FAM171B: variants seen among roughly 807,000 people sequenced by gnomAD.
FAM171B encodes family with sequence similarity 171 member B.
A neutral mutation model predicts 75.6 loss-of-function variants in FAM171B; 19 were observed. The ratio of observed to expected loss-of-function variants is 0.25; its 90% CI spans 0.18 to 0.37. The LOEUF is 0.37. Ranked by LOEUF, FAM171B falls within the 10% of genes least tolerant of loss-of-function variation. The probability of loss-of-function intolerance (pLI) is 1.00; values close to 1 mark genes in which losing one functional copy is unlikely to be tolerated. For missense variants in FAM171B, 848 were observed against 982.4 expected, an observed-to-expected ratio of 0.86 and a Z score of 1.83; for synonymous variants, 367 against 361.7, an observed-to-expected ratio of 1.01 and a Z score of -0.17.
Position 186,762,469 on chromosome 2 carries a change from G to T in FAM171B, c.2127G>T (p.Val709=). The T allele has an allele frequency of 6.2e-7, 1 of 1,613,558 alleles. No homozygotes were observed. The highest frequency in any genetic ancestry group is 8.5e-7 in the Non-Finnish European group (1 of 1,179,758). Residue 709 remains valine, a synonymous_variant, in exon 8 of 8, where the codon GTG becomes GTT. Coordinates refer to ENST00000304698, the MANE Select transcript of FAM171B (RefSeq NM_177454.4). This position sits in a 1 kb window ranked among gnomAD's most constrained non-coding sequence, Gnocchi z 4.0. The part of the protein sequence containing the change: ...QSNDTSLDSG[V]DMNELHSSRK... Reference sequence around the variant, plus strand: ...ATGACACCAGTCTGGACTCTGGGGTGGACATGAATGAGCTTCACTCAAGTA... The same window carrying T: ...ATGACACCAGTCTGGACTCTGGGGTTGACATGAATGAGCTTCACTCAAGTA...
At chr2:186,715,075 C>CT (rs1204214009) in intron 1 of FAM171B, among the ~76,000 whole-genome samples, 1 of 152,128 alleles carries the variant, frequency 6.6e-6, no homozygotes, top group Admixed American at 6.5e-5. Flanking sequence ...ATTCAATAGT[C>CT]AAATAGAGAG....
At chr2:186,744,830 AT>A (rs71017339) in intron 3 of FAM171B, among the ~76,000 whole-genome samples, 213 of 127,630 alleles carry the variant, frequency 1.7e-3, no homozygotes, top group Middle Eastern at 8.6e-3. Context: ...CCTGACCAGC[AT>A]TTTTTTTTTT....
intron 3 of FAM171B, among the ~76,000 whole-genome samples, chr2:186,745,515 T>G (rs1302058879): frequency 6.6e-6 from 1 of 152,310 alleles, no homozygotes; most frequent in East Asian, 1.9e-4. Context: ...TCACTTCCTT[T>G]TACTGTCTCA....
In FAM171B at chr2:186,700,192, T is replaced by G. The variant is rs1037658258; in HGVS notation, c.238+5781T>G. Among the ~76,000 whole-genome samples, 4 of 152,148 alleles carry G rather than the reference T, an allele frequency of 2.6e-5. No homozygotes were observed. In the East Asian group the frequency reaches 7.7e-4, roughly 29 times the overall value. ...TATGCCATTGGTATTTTGATAGAGA[T>G]TCCATTGAATCTGTAAACTGCTTCG... is the stretch of plus-strand genomic sequence containing the variant. On this transcript the variant is annotated intron_variant, in intron 1 of 7. Coordinates refer to ENST00000304698, the MANE Select transcript of FAM171B (RefSeq NM_177454.4).
In FAM171B at chr2:186,747,242, A is replaced by G; in HGVS notation, c.716A>G (p.Asn239Ser). The G allele has an allele frequency of 6.3e-7, 1 of 1,585,584 alleles. No homozygotes were observed. The highest frequency in any genetic ancestry group is 1.2e-5 in the South Asian group (1 of 84,066). ...NFLHTTGITL[N>S]KPGFENIELT... ...CTGCATACAACTGGAATTACTCTCA[A>G]TAAACCAGGTATTATCTACTTTTTG... Residue 239 changes from asparagine to serine, a missense_variant, in exon 4 of 8, where the codon AAT becomes AGT. By Grantham distance (46) the Asn-to-Ser change is conservative (BLOSUM62 1). Around this residue, in one of 3 missense-constraint regions of FAM171B, gnomAD observed 665 missense variants for 729.0 expected, o/e 0.91. Coordinates refer to ENST00000304698, the MANE Select transcript of FAM171B (RefSeq NM_177454.4).
Position 186,764,986 on chromosome 2 carries a change from A to T in FAM171B, c.*2163A>T, listed in dbSNP as rs1235659017. The stretch of plus-strand genomic sequence containing the variant: ...TTCATTTTTGTGTAAGGGAAATGAG[A>T]TGATGTATCCCAAGGGCTTTTCTAG... On this transcript the variant is annotated 3_prime_UTR_variant, in exon 8 of 8. Coordinates refer to ENST00000304698, the MANE Select transcript of FAM171B (RefSeq NM_177454.4). 1.3e-5 allele frequency: 2 copies of T among 152,128 alleles called. No homozygotes were observed. Among genetic ancestry groups the T allele is most frequent in the South Asian group, 4.1e-4 (2 of 4,820 alleles). The allele number at this position is 152,128 out of a possible 1,614,324, so 9.4% of individuals were successfully genotyped here.
In FAM171B at chr2:186,725,546, G is replaced by A. The variant is rs553509298; in HGVS notation, c.239-14682G>A. 1.0e-3 allele frequency among the ~76,000 whole-genome samples: 154 copies of A among 152,096 alleles called. 1 individual carries two copies. The highest frequency in any genetic ancestry group is 3.4e-3 in the African/African-American group (139 of 41,480). On this transcript the variant is annotated intron_variant, in intron 1 of 7. Coordinates refer to ENST00000304698, the MANE Select transcript of FAM171B (RefSeq NM_177454.4). The stretch of plus-strand genomic sequence containing the variant: ...TCTGTGATTGAATTCCCAGGTTCAG[G>A]GAGCTGTGCTATTCACTCCTTCCCC...
At chr2:186,707,841 T>TAAA (rs11352829) in intron 1 of FAM171B, among the ~76,000 whole-genome samples, 4 of 144,282 alleles carry the variant, frequency 2.8e-5, no homozygotes, top group African/African-American at 1.0e-4. Context: ...TTTTTTTTTT[T>TAAA]AAAAAAAAAA....
intron 3 of FAM171B, among the ~76,000 whole-genome samples, chr2:186,746,611 T>C (rs1013100875): frequency 3.3e-5 from 5 of 152,196 alleles, no homozygotes; most frequent in African/African-American, 1.2e-4. Context: ...AAGATGGCTG[T>C]TACAACTCCT....
At chr2:186,760,338 AT>A (rs989760178) in intron 6 of FAM171B, among the ~76,000 whole-genome samples, 21 of 152,076 alleles carry the variant, frequency 1.4e-4, no homozygotes, top group Non-Finnish European at 3.1e-4. Flanking sequence ...AAGTTTTAGA[AT>A]TTTTGTATTC....
Position 186,762,307 on chromosome 2 carries a change from A to C in FAM171B, c.1965A>C (p.Glu655Asp). The change falls in exon 8 of 8, where the codon GAA becomes GAC. Residue 655 changes from glutamate to aspartate, a missense_variant. Transcript: ENST00000304698. The surrounding 1 kb of genome is among the most constrained non-coding windows in gnomAD (Gnocchi z 4.0). ...PFSSELQGIS[E>D]QTLLELSKGK... ...CATCGGAACTTCAAGGAATTTCAGA[A>C]CAGACCCTCCTGGAGCTGTCCAAAG... is the stretch of plus-strand genomic sequence containing the variant. 2 of 1,613,680 alleles carry C rather than the reference A, an allele frequency of 1.2e-6. No individual in the cohort carries two copies. The highest frequency in any genetic ancestry group is 1.7e-6 in the Non-Finnish European group (2 of 1,179,772).
chr2:186,717,516 C>T (rs73979351), intron 1 of FAM171B, among the ~76,000 whole-genome samples: 3,092 of 152,304 alleles, frequency 0.02, 105 homozygotes, highest in African/African-American at 0.069. Flanking sequence ...TCCAGGAGGA[C>T]GGTAGATGAG....
At chr2:186,756,959 A>G (rs895840802) in intron 6 of FAM171B, among the ~76,000 whole-genome samples, 1 of 152,178 alleles carries the variant, frequency 6.6e-6, no homozygotes, top group Non-Finnish European at 1.5e-5. Flanking sequence ...AAGGTCTGTA[A>G]AGGTCCTGTG....
At chr2:186,732,607 C>T (rs1690134628) in intron 1 of FAM171B, among the ~76,000 whole-genome samples, 1 of 152,218 alleles carries the variant, frequency 6.6e-6, no homozygotes, top group Non-Finnish European at 1.5e-5. Context: ...ACTTGAGATT[C>T]AAATGCACGG....
At chr2:186,747,032 C>T in intron 3 of FAM171B, 60 bp from the exon 4 acceptor site, 5 of 1,260,556 alleles carry the variant, frequency 4.0e-6, no homozygotes, top group Non-Finnish European at 4.4e-6. Context: ...ACATCCTGAC[C>T]AATGCTGCTA....
At chr2:186,732,961 G>A (rs1182446922) in intron 1 of FAM171B, among the ~76,000 whole-genome samples, 1 of 152,162 alleles carries the variant, frequency 6.6e-6, no homozygotes, top group Non-Finnish European at 1.5e-5. Flanking sequence ...CCCTTCCCTG[G>A]TGCTGGTTGT....
At chr2:186,716,138 C>T (rs937068114) in intron 1 of FAM171B, among the ~76,000 whole-genome samples, 1 of 152,096 alleles carries the variant, frequency 6.6e-6, no homozygotes, top group African/African-American at 2.4e-5. Context: ...TCAGCATCCT[C>T]AGTAGCTGGG....
At chr2:186,739,713 T>C (rs1188050878) in intron 1 of FAM171B, among the ~76,000 whole-genome samples, 2 of 152,192 alleles carry the variant, frequency 1.3e-5, no homozygotes, top group Non-Finnish European at 2.9e-5. Context: ...CTGAGTCTTT[T>C]TTACAATTAA....
intron 6 of FAM171B, among the ~76,000 whole-genome samples, chr2:186,754,888 A>G (rs1035103829): frequency 6.6e-6 from 1 of 152,184 alleles, no homozygotes; most frequent in Non-Finnish European, 1.5e-5. Context: ...GGCCCAAGGC[A>G]GCCAAAAGAT....
Sources: gnomAD v4.1 joint callset for allele counts (sites outside exome capture counted in the v4.1 genomes callset) on GRCh38, gnomAD v4.1.1 for gene constraint, gnomAD v4.1.1 regional missense constraint, Gnocchi (gnomAD v3.1) non-coding constraint, MANE v1.5 for transcripts, NCBI Gene and HGNC (gene_info 2026-07-23, HGNC 2026-07-21) for gene names.